The following JMJD1C variants were observed in gnomAD, a reference collection of about 807,000 sequenced individuals.
JMJD1C encodes jumonji domain containing 1C.
Under a neutral mutation model 245.3 loss-of-function variants are expected in JMJD1C, and 31 were observed. That is an observed-to-expected ratio of 0.13 (90% CI 0.09 to 0.17). The LOEUF is 0.17. Ranked by LOEUF, JMJD1C falls within the 10% of genes least tolerant of loss-of-function variation. JMJD1C has a pLI of 1.00. For missense variants in JMJD1C, 2,691 were observed against 3,000.2 expected (o/e 0.90, Z 2.41); for synonymous variants, 1,057 against 1,017.4 (o/e 1.04, Z -0.74).
chr10:63,498,126 T>A lies in JMJD1C; in HGVS notation n.113+23612A>T, dbSNP rs10995549. On this transcript the variant is annotated intron_variant and non_coding_transcript_variant, in intron 1 of 3. Coordinates refer to the JMJD1C transcript ENST00000633035. The stretch of plus-strand genomic sequence containing the variant: ...GAAATCAAGAGTCAGATACTGACAG[T>A]TTTTCCTCAATAAGTAAATAACATG... Among the ~76,000 whole-genome samples, 1,214 of 152,210 alleles carry A rather than the reference T, an allele frequency of 8.0e-3. 11 individuals are homozygous for A. The highest frequency in any genetic ancestry group is 0.013 in the Non-Finnish European group (906 of 67,974).
intron 1 of JMJD1C, among the ~76,000 whole-genome samples, chr10:63,462,167 T>TA (rs1219972508): frequency 6.6e-6 from 1 of 152,212 alleles, no homozygotes; most frequent in African/African-American, 2.4e-5. Flanking sequence ...AAAAAAGGCT[T>TA]AGATATTTTG....
chr10:63,338,961 A>C (rs78694193), intron 2 of JMJD1C, among the ~76,000 whole-genome samples: 1 of 152,160 alleles, frequency 6.6e-6, no homozygotes, highest in African/African-American at 2.4e-5. Flanking sequence ...CTTTAGTTTA[A>C]TTCTTCATCT....
intron 1 of JMJD1C, among the ~76,000 whole-genome samples, chr10:63,418,287 A>AATTT (rs1949913053): frequency 6.6e-6 from 1 of 152,204 alleles, no homozygotes; most frequent in South Asian, 2.1e-4. Context: ...CACACTTTAA[A>AATTT]AATTACCATA....
intron 1 of JMJD1C, among the ~76,000 whole-genome samples, chr10:63,388,935 G>A (rs1184745926): frequency 3.9e-5 from 6 of 152,066 alleles, no homozygotes; most frequent in Admixed American, 6.6e-5. Flanking sequence ...ATTATATAAC[G>A]ATAAAAGAGA....
intron 3 of JMJD1C, among the ~76,000 whole-genome samples, chr10:63,236,360 A>T (rs1850729598): frequency 6.6e-6 from 1 of 152,218 alleles, no homozygotes; most frequent in Non-Finnish European, 1.5e-5. Context: ...AGAGTAAAAA[A>T]ATCAGATAAA....
intron 2 of JMJD1C, among the ~76,000 whole-genome samples, chr10:63,298,858 G>A (rs940347823): frequency 4.0e-5 from 6 of 151,784 alleles, no homozygotes; most frequent in African/African-American, 1.2e-4. Context: ...TCAGCCTCCC[G>A]AATAGCTGAG....
chr10:63,251,819 CTGGCCAACA>C (rs1214658561), intron 3 of JMJD1C, among the ~76,000 whole-genome samples: 1 of 152,174 alleles, frequency 6.6e-6, no homozygotes, highest in Non-Finnish European at 1.5e-5. Flanking sequence ...CAAGACCAGC[CTGGCCAACA>C]TGGTAAAACC....
At chr10:63,498,389 A>G (rs1464574607) in intron 1 of JMJD1C, among the ~76,000 whole-genome samples, 2 of 152,180 alleles carry the variant, frequency 1.3e-5, no homozygotes, top group African/African-American at 2.4e-5. Flanking sequence ...ATTACTATTA[A>G]AATGTTTTAT....
At chr10:63,495,914 A>T (rs1401004466) in intron 1 of JMJD1C, among the ~76,000 whole-genome samples, 2 of 151,964 alleles carry the variant, frequency 1.3e-5, no homozygotes, top group African/African-American at 2.4e-5. Flanking sequence ...TTATATTTTT[A>T]AAAAAGGATA....
chr10:63,214,659 G>C lies in JMJD1C; in HGVS notation c.1508C>G (p.Pro503Arg), dbSNP rs754451296. 3 of 1,613,828 alleles carry C rather than the reference G, an allele frequency of 1.9e-6. No homozygotes were observed. The highest frequency in any genetic ancestry group is 2.5e-6 in the Non-Finnish European group (3 of 1,179,942). ...LLPKEKFVSR[P>R]PTPKCVIDIT... ...ATCAATAACACATTTTGGTGTGGGT[G>C]GTCTGGATACAAACTTCTCCTTTGG... is the stretch of plus-strand genomic sequence containing the variant. The change falls in exon 8 of 26, where the codon CCA (proline) becomes CGA (arginine). Residue 503 changes from proline to arginine, a missense_variant. Physicochemically the swap from Pro to Arg is moderately radical, Grantham distance 103. Transcript: ENST00000399262.
rs1308821669 is a variant in JMJD1C at position 63,430,925 on chromosome 10, T to TGTTTC, written c.168+34565_168+34569dup. On this transcript the variant is annotated intron_variant, in intron 1 of 25. Transcript: ENST00000399262. ...ATACCGGCTAATTTTTGTTTTGTTT[T>TGTTTC]GTTTCGTTCGATGAAGACGAACTCC... Among the ~76,000 whole-genome samples, 7 of 152,282 alleles carry TGTTTC rather than the reference T, an allele frequency of 4.6e-5. No individual in the cohort carries two copies. In the East Asian group the frequency reaches 1.3e-3, roughly 29 times the overall value.
intron 2 of JMJD1C, among the ~76,000 whole-genome samples, chr10:63,295,822 T>C (rs959695096): frequency 1.3e-5 from 2 of 151,688 alleles, no homozygotes; most frequent in African/African-American, 2.4e-5. Flanking sequence ...TGTCACATTT[T>C]TGTTAACTGT....
intron 19 of JMJD1C, 65 bp from the exon 20 acceptor site, chr10:63,185,718 G>C (rs929221469): frequency 2.2e-6 from 2 of 894,840 alleles, no homozygotes; most frequent in Non-Finnish European, 1.8e-6. Context: ...TTAACATTTG[G>C]AAAGAAACGT....
intron 12 of JMJD1C, 60 bp downstream of exon 12, chr10:63,198,452 AT>A: frequency 9.5e-7 from 1 of 1,056,726 alleles, no homozygotes; most frequent in South Asian, 1.6e-5. Flanking sequence ...CACAAACATA[AT>A]TCAAAGAGAA....
intron 3 of JMJD1C, among the ~76,000 whole-genome samples, chr10:63,263,994 ACACACACACACAC>A (rs1855188740): frequency 6.7e-6 from 1 of 149,046 alleles, no homozygotes; most frequent in Non-Finnish European, 1.5e-5. Context: ...ACACACACAC[ACACACACACACAC>A]AATTCTGTGA....
chr10:63,206,806 A>G lies in JMJD1C; in HGVS notation c.4863T>C (p.Thr1621=). 1 of 1,603,072 alleles carries G rather than the reference A, an allele frequency of 6.2e-7. No homozygotes were observed. Among genetic ancestry groups the G allele is most frequent in the South Asian group, 1.1e-5 (1 of 87,546 alleles). The change falls in exon 10 of 26, where the codon ACT becomes ACC. Residue 1621 remains threonine (T), a synonymous_variant. Transcript: ENST00000399262. ...CTCCACTTTCAGAGCCAGATTCATA[A>G]GTTCTTTTGGCTTTTCTCCTGTTGA... ...DKVNRRKAKR[T]YESGSESGDS...
intron 1 of JMJD1C, among the ~76,000 whole-genome samples, chr10:63,384,204 TACC>T (rs1947420105): frequency 6.6e-6 from 1 of 152,216 alleles, no homozygotes; most frequent in Admixed American, 6.5e-5. Flanking sequence ...TTGATATATC[TACC>T]ACATCTGCAA....
chr10:63,405,930 T>C (rs1054954054), intron 1 of JMJD1C, among the ~76,000 whole-genome samples: 1 of 152,140 alleles, frequency 6.6e-6, no homozygotes, highest in Non-Finnish European at 1.5e-5. Flanking sequence ...GAGAAACAAA[T>C]ATGCATATAT....
At chr10:63,410,573 G>GA (rs1949421498) in intron 1 of JMJD1C, among the ~76,000 whole-genome samples, 1 of 152,166 alleles carries the variant, frequency 6.6e-6, no homozygotes, top group African/African-American at 2.4e-5. Flanking sequence ...GCCAGGACCA[G>GA]AAATCAGTCC....
Sources: gnomAD v4.1 joint callset for allele counts (sites outside exome capture counted in the v4.1 genomes callset) on GRCh38, gnomAD v4.1.1 for gene constraint, MANE v1.5 for transcripts, NCBI Gene and HGNC (gene_info 2026-07-23, HGNC 2026-07-21) for gene names.